The following KGD4 variants were observed in gnomAD, a reference collection of about 807,000 sequenced individuals.
The protein encoded by KGD4 is alpha-ketoglutarate dehydrogenase component 4.
the KGD4 span, among the ~76,000 whole-genome samples, chr5:69,227,559 G>C: frequency 3.0e-4 from 46 of 152,088 alleles, no homozygotes; most frequent in African/African-American, 1.1e-3. Flanking sequence ...ACATTTTATA[G>C]GTATATTTTT....
chr5:69,219,723 T>C, the KGD4 span, among the ~76,000 whole-genome samples: 1 of 151,980 alleles, frequency 6.6e-6, no homozygotes, highest in Non-Finnish European at 1.5e-5. Flanking sequence ...ATACAACCAA[T>C]ATGCTAATAT....
the KGD4 span, among the ~76,000 whole-genome samples, chr5:69,218,470 A>ATGTGTGTGTATGTGTGTGTG: frequency 6.7e-6 from 1 of 148,524 alleles, no homozygotes; most frequent in Admixed American, 6.7e-5. Context: ...GTGTATATTA[A>ATGTGTGTGTATGTGTGTGTG]TGTGTGTGTG....
chr5:69,217,817 C>A, the KGD4 span: 1 of 1,613,938 alleles, frequency 6.2e-7, no homozygotes, highest in South Asian at 1.1e-5. Context: ...GAAACTGCCC[C>A]TTCTCGGGGG....
chr5:69,220,268 G>T, the KGD4 span, among the ~76,000 whole-genome samples: 151 of 151,844 alleles, frequency 9.9e-4, no homozygotes, highest in African/African-American at 3.5e-3. Flanking sequence ...GAATTTGGTT[G>T]TTGATCCATA....
chr5:69,221,223 G>A, the KGD4 span, among the ~76,000 whole-genome samples: 4 of 151,842 alleles, frequency 2.6e-5, no homozygotes, highest in African/African-American at 7.3e-5. Flanking sequence ...GGCAGGAGGG[G>A]TAGTGTGTGG....
chr5:69,220,384 G>A, the KGD4 span, among the ~76,000 whole-genome samples: 3 of 152,118 alleles, frequency 2.0e-5, no homozygotes, highest in Non-Finnish European at 2.9e-5. Flanking sequence ...AGCTGGGCAC[G>A]GTGGCTCACA....
the KGD4 span, among the ~76,000 whole-genome samples, chr5:69,218,767 T>C: frequency 6.6e-6 from 1 of 152,224 alleles, no homozygotes; most frequent in Non-Finnish European, 1.5e-5. Context: ...TTTATATAAG[T>C]ACATCTCTTA....
the KGD4 span, chr5:69,217,789 C>G: frequency 1.2e-6 from 2 of 1,612,684 alleles, no homozygotes; most frequent in Non-Finnish European, 1.7e-6. Context: ...GTGATCGCCG[C>G]GGCTCGCTCG....
At chr5:69,228,235 C>T in the KGD4 span, 5 of 1,599,232 alleles carry the variant, frequency 3.1e-6, no homozygotes, top group South Asian at 1.2e-5. Flanking sequence ...GCTACCATCT[C>T]ACTCTTCTGT....
At chr5:69,230,046 T>C in the KGD4 span, 1 of 151,748 alleles carries the variant, frequency 6.6e-6, no homozygotes, top group East Asian at 1.9e-4. Flanking sequence ...AATCAACATA[T>C]TTACTTATTA....
the KGD4 span, among the ~76,000 whole-genome samples, chr5:69,221,162 AAC>A: frequency 6.6e-6 from 1 of 151,656 alleles, no homozygotes; most frequent in Non-Finnish European, 1.5e-5. Context: ...CTCTCCGAGA[AAC>A]ACCCAAGAAT....
chr5:69,220,720 C>T, the KGD4 span, among the ~76,000 whole-genome samples: 1 of 151,808 alleles, frequency 6.6e-6, no homozygotes, highest in Non-Finnish European at 1.5e-5. Context: ...GCCATGATGA[C>T]GATGGCGGTT....
chr5:69,225,567 CTTTTT>C, the KGD4 span, among the ~76,000 whole-genome samples: 3 of 120,268 alleles, frequency 2.5e-5, no homozygotes, highest in African/African-American at 9.8e-5. Context: ...GCTCAGCCAC[CTTTTT>C]TTTTTTTTTT....
chr5:69,223,069 C>A, the KGD4 span, among the ~76,000 whole-genome samples: 269 of 61,400 alleles, frequency 4.4e-3, 1 homozygote, highest in African/African-American at 0.02. Context: ...AGTCACGGTG[C>A]GCAGCTTTTT....
At chr5:69,226,256 A>C in the KGD4 span, 13 of 950,098 alleles carry the variant, frequency 1.4e-5, no homozygotes, top group African/African-American at 2.0e-4. Flanking sequence ...TAATTTTAAC[A>C]AACGTATCTA....
the KGD4 span, among the ~76,000 whole-genome samples, chr5:69,218,790 C>T: frequency 6.6e-6 from 1 of 152,074 alleles, no homozygotes; most frequent in Admixed American, 6.6e-5. Flanking sequence ...AGACCTTTTT[C>T]TAAATTCCTG....
chr5:69,225,838 C>A, the KGD4 span, among the ~76,000 whole-genome samples: 1 of 152,242 alleles, frequency 6.6e-6, no homozygotes, highest in Non-Finnish European at 1.5e-5. Context: ...CTCGGCCTCC[C>A]AAAGTGTTGG....
the KGD4 span, among the ~76,000 whole-genome samples, chr5:69,221,997 T>C: frequency 6.8e-6 from 1 of 147,160 alleles, no homozygotes; most frequent in Non-Finnish European, 1.5e-5. Context: ...CAAAACCCCA[T>C]ATCTATTAAA....
At chr5:69,220,552 C>T in the KGD4 span, among the ~76,000 whole-genome samples, 9 of 151,560 alleles carry the variant, frequency 5.9e-5, no homozygotes, top group Middle Eastern at 3.2e-3. Flanking sequence ...CCGGCCGCCC[C>T]GTCTGGGATG....
Sources: gnomAD v4.1 joint callset for allele counts (sites outside exome capture counted in the v4.1 genomes callset) on GRCh38, gnomAD v4.1.1 for gene constraint, MANE v1.5 for transcripts, NCBI Gene and HGNC (gene_info 2026-07-23, HGNC 2026-07-21) for gene names.